CCSER1: variants seen among roughly 807,000 people sequenced by gnomAD.
The protein encoded by CCSER1 is serine-rich coiled-coil domain-containing protein 1.
Under a neutral mutation model 82.0 loss-of-function variants are expected in CCSER1, and 41 were observed. The observed-to-expected ratio is 0.50, with a 90% CI of 0.39 to 0.65. CCSER1 has a LOEUF of 0.65. Ranked by LOEUF, CCSER1 falls within the 30% of genes least tolerant of loss-of-function variation. CCSER1 has a pLI of 0.00. For missense variants in CCSER1, 1,119 were observed against 1,064.2 expected (o/e 1.05, Z -0.72); for synonymous variants, 414 against 383.9 (o/e 1.08, Z -0.92).
At chr4:90,856,582 C>T (rs1021415165) in intron 8 of CCSER1, among the ~76,000 whole-genome samples, 2 of 151,986 alleles carry the variant, frequency 1.3e-5, no homozygotes, top group Admixed American at 1.3e-4. Flanking sequence ...TGGAAATAAC[C>T]ATCTTCCCCG....
intron 10 of CCSER1, among the ~76,000 whole-genome samples, chr4:91,518,762 G>A (rs1760286411): frequency 6.6e-6 from 1 of 152,194 alleles, no homozygotes; most frequent in African/African-American, 2.4e-5. Flanking sequence ...TGTGGCAGTG[G>A]CAGAAGGGTT....
At chr4:91,541,482 G>T (rs574661273) in intron 10 of CCSER1, among the ~76,000 whole-genome samples, 1 of 152,058 alleles carries the variant, frequency 6.6e-6, no homozygotes, top group Non-Finnish European at 1.5e-5. Context: ...GCGGTGTTTG[G>T]TTTTCTGTCC....
At chr4:91,512,036 T>G (rs537487708) in intron 10 of CCSER1, among the ~76,000 whole-genome samples, 1 of 152,286 alleles carries the variant, frequency 6.6e-6, no homozygotes, top group Admixed American at 6.5e-5. Flanking sequence ...AGATCTGTGA[T>G]GGTTAATATT....
At chr4:90,388,891 C>A (rs1251833642) in intron 3 of CCSER1, among the ~76,000 whole-genome samples, 3 of 152,200 alleles carry the variant, frequency 2.0e-5, no homozygotes, top group African/African-American at 7.2e-5. Context: ...CCGCCTTGGC[C>A]TCCCAAAGTG....
chr4:90,846,572 G>A (rs887920089), intron 8 of CCSER1, among the ~76,000 whole-genome samples: 1 of 152,248 alleles, frequency 6.6e-6, no homozygotes, highest in East Asian at 1.9e-4. Context: ...TTTGTGTTGA[G>A]AATATTCTAA....
At chr4:91,517,512 C>A (rs1312470486) in intron 10 of CCSER1, among the ~76,000 whole-genome samples, 1 of 152,080 alleles carries the variant, frequency 6.6e-6, no homozygotes, top group Non-Finnish European at 1.5e-5. Flanking sequence ...TGTCTATCAG[C>A]TCCTGTATTG....
chr4:90,782,609 T>G (rs553501852), intron 7 of CCSER1, among the ~76,000 whole-genome samples: 1 of 152,148 alleles, frequency 6.6e-6, no homozygotes, highest in African/African-American at 2.4e-5. Context: ...AAAAAGGGGA[T>G]TGTTTGTCAG....
chr4:91,058,229 A>G (rs192815772), intron 9 of CCSER1, among the ~76,000 whole-genome samples: 1 of 152,040 alleles, frequency 6.6e-6, no homozygotes, highest in East Asian at 1.9e-4. Context: ...ATGTGTTCTC[A>G]TCATTTGGCT....
At chr4:91,230,851 TAA>T (rs914108278) in intron 10 of CCSER1, among the ~76,000 whole-genome samples, 1 of 151,874 alleles carries the variant, frequency 6.6e-6, no homozygotes, top group African/African-American at 2.4e-5. Context: ...AAATTATACT[TAA>T]AGTCATTAGG....
chr4:90,139,479 C>T (rs1362521699), intron 1 of CCSER1, among the ~76,000 whole-genome samples: 2 of 152,140 alleles, frequency 1.3e-5, no homozygotes, highest in Non-Finnish European at 2.9e-5. Flanking sequence ...TCCTTCAGGT[C>T]ATATGTTCCT....
chr4:91,565,388 T>G (rs2110266417), intron 10 of CCSER1, among the ~76,000 whole-genome samples: 1 of 152,230 alleles, frequency 6.6e-6, no homozygotes, highest in South Asian at 2.1e-4. Flanking sequence ...TTCAGGCTCT[T>G]TTATGGTTCC....
intron 9 of CCSER1, among the ~76,000 whole-genome samples, chr4:91,040,009 C>A (rs1304128957): frequency 6.6e-6 from 1 of 151,978 alleles, no homozygotes; most frequent in Admixed American, 6.6e-5. Flanking sequence ...TTAATGACTC[C>A]AATTTATATG....
At chr4:91,122,375 T>C (rs1330106038) in intron 10 of CCSER1, among the ~76,000 whole-genome samples, 2 of 151,788 alleles carry the variant, frequency 1.3e-5, no homozygotes, top group African/African-American at 4.8e-5. Context: ...TTTGAAAGTA[T>C]ATCATTCATT....
intron 8 of CCSER1, among the ~76,000 whole-genome samples, chr4:90,826,123 A>G (rs1183172508): frequency 6.6e-6 from 1 of 152,178 alleles, no homozygotes; most frequent in Non-Finnish European, 1.5e-5. Context: ...CTTCCTTATT[A>G]TGCCCAATAA....
At position 90,233,730 on chromosome 4, in the gene CCSER1, A is replaced by G. The variant is rs1004563716; in HGVS notation, c.-41-74514A>G. 3.1e-4 allele frequency among the ~76,000 whole-genome samples: 47 copies of G among 151,876 alleles called. 1 individual carries two copies. The highest frequency in any genetic ancestry group is 6.8e-3 in the Middle Eastern group (2 of 292). Reference sequence around the variant, plus strand: ...GTGAAGTGGCCATAAAAAAAAAAAAAAGAGAAAATTATTATAGAAAAAGCA... The same window carrying G: ...GTGAAGTGGCCATAAAAAAAAAAAAGAGAGAAAATTATTATAGAAAAAGCA... On this transcript the variant is annotated intron_variant, in intron 1 of 10. Transcript: ENST00000509176.
intron 5 of CCSER1, among the ~76,000 whole-genome samples, chr4:90,521,182 C>G (rs181616972): frequency 6.7e-6 from 1 of 148,954 alleles, no homozygotes; most frequent in Non-Finnish European, 1.5e-5. Flanking sequence ...CCAATCTATA[C>G]TATCAATGCC....
At chr4:90,430,594 T>A (rs1343618236) in intron 4 of CCSER1, among the ~76,000 whole-genome samples, 4 of 151,908 alleles carry the variant, frequency 2.6e-5, no homozygotes, top group Non-Finnish European at 5.9e-5. Flanking sequence ...CCACACTGGT[T>A]AATGTTTCAG....
At chr4:90,169,427 G>T (rs1243056505) in intron 1 of CCSER1, among the ~76,000 whole-genome samples, 1 of 152,058 alleles carries the variant, frequency 6.6e-6, no homozygotes, top group Non-Finnish European at 1.5e-5. Flanking sequence ...TGCAAACAGG[G>T]ACAATTTGAC....
intron 10 of CCSER1, among the ~76,000 whole-genome samples, chr4:91,093,213 A>G (rs1724153070): frequency 6.6e-6 from 1 of 152,172 alleles, no homozygotes; most frequent in Non-Finnish European, 1.5e-5. Flanking sequence ...TATCCTGCGC[A>G]TCTTTCTCCT....
Sources: gnomAD v4.1 joint callset for allele counts (sites outside exome capture counted in the v4.1 genomes callset) on GRCh38, gnomAD v4.1.1 for gene constraint, MANE v1.5 for transcripts, NCBI Gene and HGNC (gene_info 2026-07-23, HGNC 2026-07-21) for gene names.